PDLIM1: variants seen among roughly 807,000 people sequenced by gnomAD.
PDLIM1 encodes PDZ and LIM domain 1.
A neutral mutation model predicts 35.2 loss-of-function variants in PDLIM1; 25 were observed. The ratio of observed to expected loss-of-function variants is 0.71; its 90% CI spans 0.52 to 0.99. The LOEUF is 0.99. Ranked by LOEUF, PDLIM1 falls within the 50% of genes least tolerant of loss-of-function variation. PDLIM1 has a pLI of 0.00. For missense variants in PDLIM1, 363 were observed against 415.3 expected (o/e 0.87, Z 1.09); for synonymous variants, 152 against 154.0 (o/e 0.99, Z 0.10).
At chr10:95,251,357 G>A (rs139336656) in intron 4 of PDLIM1, among the ~76,000 whole-genome samples, 35 of 152,104 alleles carry the variant, frequency 2.3e-4, no homozygotes, top group Middle Eastern at 3.4e-3. Context: ...TGAATTGCCT[G>A]AGCTCAGGAG....
At chr10:95,257,034 G>GAA (rs1371536710) in intron 4 of PDLIM1, among the ~76,000 whole-genome samples, 1 of 103,908 alleles carries the variant, frequency 9.6e-6, no homozygotes, top group East Asian at 2.3e-4. Flanking sequence ...AAGAAAGAAA[G>GAA]AAAGAATTCA....
chr10:95,248,640 TA>T (rs1031349471), intron 4 of PDLIM1, among the ~76,000 whole-genome samples: 2 of 152,266 alleles, frequency 1.3e-5, no homozygotes, highest in African/African-American at 4.8e-5. Flanking sequence ...GTTTTAATAC[TA>T]AAATATATGT....
Position 95,271,704 on chromosome 10 carries a change from G to T in PDLIM1, c.177C>A (p.Ser59Arg). 6.2e-7 allele frequency: 1 copy of T among 1,612,108 alleles called. No individual in the cohort carries two copies. Among genetic ancestry groups the T allele is most frequent in the Non-Finnish European group, 8.5e-7 (1 of 1,179,172 alleles). Residue 59 changes from serine to arginine, a missense_variant, in exon 2 of 7, where the codon AGC becomes AGA. Coordinates refer to ENST00000329399, the MANE Select transcript of PDLIM1 (RefSeq NM_020992.4). ...TCTGAGCTTCCAAGTGTGTCATATT[G>T]CTAGTATTTTCCCCATCAATGGCTG... ...VITAIDGENTSNMTHLEAQNR... is the reference protein window; with the variant it reads ...VITAIDGENTRNMTHLEAQNR...
At chr10:95,268,611 C>G (rs1049542881) in intron 3 of PDLIM1, among the ~76,000 whole-genome samples, 167 bp downstream of exon 3, 1 of 152,222 alleles carries the variant, frequency 6.6e-6, no homozygotes, top group Non-Finnish European at 1.5e-5. Flanking sequence ...TATCCTCCTG[C>G]AGTTCCCTTA....
chr10:95,240,620 G>C (rs1386166588), intron 5 of PDLIM1, among the ~76,000 whole-genome samples: 1 of 152,160 alleles, frequency 6.6e-6, no homozygotes, highest in East Asian at 1.9e-4. Context: ...TAACAAACCT[G>C]TGCATCCTAC....
chr10:95,273,429 C>A (rs45444897), intron 1 of PDLIM1: 14,248 of 152,214 alleles, frequency 0.094, 1,139 homozygotes, highest in East Asian at 0.44. Context: ...TAGCCCTCAG[C>A]GCAGCTAGTG....
At chr10:95,242,358 TC>T (rs2035186120) in intron 5 of PDLIM1, among the ~76,000 whole-genome samples, 1 of 152,170 alleles carries the variant, frequency 6.6e-6, no homozygotes, top group South Asian at 2.1e-4. Flanking sequence ...TCATTTTTTT[TC>T]ATGATTATTG....
intron 1 of PDLIM1, among the ~76,000 whole-genome samples, chr10:95,287,441 A>T (rs1048225567): frequency 8.5e-5 from 13 of 152,126 alleles, no homozygotes. Context: ...TTGCCACAGA[A>T]CCGCTCAGCT....
intron 2 of PDLIM1, among the ~76,000 whole-genome samples, chr10:95,270,694 T>G (rs570476616): frequency 1.7e-4 from 26 of 152,302 alleles, no homozygotes; most frequent in Non-Finnish European, 3.2e-4. Flanking sequence ...TCTCTGTTAT[T>G]GCAATCTCCT....
chr10:95,262,069 C>G (rs190340678), intron 4 of PDLIM1, among the ~76,000 whole-genome samples: 1 of 151,368 alleles, frequency 6.6e-6, no homozygotes, highest in South Asian at 2.1e-4. Context: ...GCACAGGGAA[C>G]AGGGATGCAC....
At chr10:95,239,782 C>A (rs1157873879) in intron 5 of PDLIM1, among the ~76,000 whole-genome samples, 1 of 151,872 alleles carries the variant, frequency 6.6e-6, no homozygotes, top group Non-Finnish European at 1.5e-5. Flanking sequence ...GGCAACAGAG[C>A]GAGACTCCAT....
intron 1 of PDLIM1, among the ~76,000 whole-genome samples, chr10:95,274,379 CA>C (rs2035494173): frequency 3.3e-5 from 5 of 151,364 alleles, no homozygotes; most frequent in Non-Finnish European, 7.4e-5. Flanking sequence ...CTGCAACCTC[CA>C]CCTCCCGGGT....
At chr10:95,261,625 G>A (rs1437184155) in intron 4 of PDLIM1, among the ~76,000 whole-genome samples, 2 of 152,196 alleles carry the variant, frequency 1.3e-5, no homozygotes, top group Non-Finnish European at 2.9e-5. Context: ...TGGTTACTAT[G>A]ATAAATGGCC....
intron 2 of PDLIM1, 123 bp from the exon 3 acceptor site, chr10:95,268,985 C>G (rs1311742878): frequency 4.5e-6 from 3 of 671,466 alleles, no homozygotes; most frequent in East Asian, 5.5e-5. Flanking sequence ...CTCCCATCAG[C>G]TCTACCTTCC....
chr10:95,270,923 T>A (rs1381649635), intron 2 of PDLIM1, among the ~76,000 whole-genome samples: 4 of 151,706 alleles, frequency 2.6e-5, no homozygotes, highest in African/African-American at 7.3e-5. Context: ...GCTAATTTTT[T>A]AATTTTTAGT....
intron 5 of PDLIM1, among the ~76,000 whole-genome samples, chr10:95,245,455 C>T (rs1194278059): frequency 1.3e-5 from 2 of 152,148 alleles, no homozygotes; most frequent in African/African-American, 2.4e-5. Flanking sequence ...ATGCTCAGGT[C>T]CTTCTCTGTG....
intron 4 of PDLIM1, among the ~76,000 whole-genome samples, chr10:95,253,887 A>G (rs1276847716): frequency 6.6e-6 from 1 of 152,200 alleles, no homozygotes; most frequent in African/African-American, 2.4e-5. Flanking sequence ...CAAAGTTTCT[A>G]TACTTCTTTG....
intron 5 of PDLIM1, among the ~76,000 whole-genome samples, chr10:95,241,082 G>A (rs535022801): frequency 6.6e-6 from 1 of 151,430 alleles, no homozygotes; most frequent in Admixed American, 6.6e-5. Flanking sequence ...CCAGGTGAGG[G>A]GATGAAGAGA....
chr10:95,245,694 C>T (rs1475364755), intron 5 of PDLIM1, among the ~76,000 whole-genome samples: 1 of 152,186 alleles, frequency 6.6e-6, no homozygotes, highest in East Asian at 1.9e-4. Flanking sequence ...TCAGCTACTC[C>T]AAGCAAAAGA....
Sources: gnomAD v4.1 joint callset for allele counts (sites outside exome capture counted in the v4.1 genomes callset) on GRCh38, gnomAD v4.1.1 for gene constraint, MANE v1.5 for transcripts, NCBI Gene and HGNC (gene_info 2026-07-23, HGNC 2026-07-21) for gene names.